TUSC3: variants seen among roughly 807,000 people sequenced by gnomAD.
TUSC3 encodes dolichyl-diphosphooligosaccharide--protein glycosyltransferase subunit TUSC3.
In TUSC3, 45 loss-of-function variants were observed where a neutral mutation model predicts 44.8. The ratio of observed to expected loss-of-function variants is 1.00; its 90% confidence interval spans 0.79 to 1.29. TUSC3 has a LOEUF of 1.29. Among genes scored for constraint, TUSC3 ranks in the 50% most tolerant of loss-of-function variants. The pLI is 0.00. For synonymous variants in TUSC3, 212 were observed against 152.9 expected, an observed-to-expected ratio of 1.39 and a Z score of -2.85; for missense variants, 519 against 437.9, an observed-to-expected ratio of 1.19 and a Z score of -1.65.
chr8:15,750,201 G>C (rs7826433), intron 9 of TUSC3, among the ~76,000 whole-genome samples: 1 of 151,642 alleles, frequency 6.6e-6, no homozygotes, highest in Non-Finnish European at 1.5e-5. Context: ...GGATGGTCTC[G>C]ATCTCCTGAC....
At chr8:15,484,932 C>G (rs1217044941) in intron 2 of TUSC3, among the ~76,000 whole-genome samples, 2 of 152,126 alleles carry the variant, frequency 1.3e-5, no homozygotes, top group Non-Finnish European at 2.9e-5. Flanking sequence ...TTTGTAAAAA[C>G]TTATTGAGTA....
At chr8:15,622,807 C>G (rs564918738) in intron 1 of TUSC3, among the ~76,000 whole-genome samples, 2 of 142,342 alleles carry the variant, frequency 1.4e-5, no homozygotes, top group African/African-American at 4.9e-5. Context: ...TTTCTTGAGC[C>G]TTCTTTTTTT....
chr8:15,464,790 T>C (rs1800392915), intron 1 of TUSC3, among the ~76,000 whole-genome samples: 1 of 152,182 alleles, frequency 6.6e-6, no homozygotes, highest in African/African-American at 2.4e-5. Context: ...GTGAGGCACA[T>C]AATGGCTCTT....
chr8:15,541,451 T>A (rs767366412), intron 1 of TUSC3, among the ~76,000 whole-genome samples: 4 of 152,236 alleles, frequency 2.6e-5, no homozygotes, highest in Non-Finnish European at 5.9e-5. Context: ...TTTTCCTGGT[T>A]AAGTTGTACA....
At chr8:15,612,676 C>T (rs1053721467) in intron 1 of TUSC3, among the ~76,000 whole-genome samples, 1 of 152,136 alleles carries the variant, frequency 6.6e-6, no homozygotes, top group South Asian at 2.1e-4. Context: ...ATGACTGATT[C>T]TATTAACTTC....
At chr8:15,784,860 A>G in the TUSC3 span, among the ~76,000 whole-genome samples, 5 of 151,768 alleles carry the variant, frequency 3.3e-5, no homozygotes, top group South Asian at 8.3e-4. Context: ...GTCAATAACA[A>G]TGTATTGTGT....
intron 1 of TUSC3, among the ~76,000 whole-genome samples, chr8:15,555,139 C>CTTTTT (rs60676527): frequency 1.1e-5 from 1 of 93,582 alleles, no homozygotes; most frequent in African/African-American, 4.0e-5. Context: ...TAATAGCAGT[C>CTTTTT]TTTTTTTTTT....
intron 2 of TUSC3, among the ~76,000 whole-genome samples, chr8:15,487,303 G>C (rs1032887528): frequency 6.6e-6 from 1 of 151,994 alleles, no homozygotes; most frequent in African/African-American, 2.4e-5. Context: ...TGAGTATCTT[G>C]AGAGCAAGAT....
chr8:15,635,068 C>T (rs1260186577), intron 2 of TUSC3, among the ~76,000 whole-genome samples: 7 of 150,102 alleles, frequency 4.7e-5, no homozygotes, highest in Non-Finnish European at 7.4e-5. Flanking sequence ...TTTTTTTTTT[C>T]CCCCCAAAGG....
the TUSC3 span, among the ~76,000 whole-genome samples, chr8:15,841,259 G>T: frequency 2.0e-5 from 3 of 151,852 alleles, no homozygotes; most frequent in African/African-American, 7.3e-5. Flanking sequence ...ATATTCTAAA[G>T]GTTGAGTAGA....
rs188164954 is a variant in TUSC3, at chr8:15,704,417, G to T, written c.799-26249G>T. Among the ~76,000 whole-genome samples the T allele has an allele frequency of 2.7e-3, 408 of 152,000 alleles. 2 individuals carry two copies. Among genetic ancestry groups the T allele is most frequent in the African/African-American group, 9.4e-3 (392 of 41,512 alleles). ...GTTCTATATAAGCCTTGTAAACTCT[G>T]TTAGGGACCTTGAATTTTAATCTAA... On this transcript the variant is annotated intron_variant, in intron 6 of 10. Coordinates refer to ENST00000503731, the MANE Select transcript of TUSC3 (RefSeq NM_006765.4).
intron 6 of TUSC3, among the ~76,000 whole-genome samples, chr8:15,695,957 G>A (rs926077803): frequency 2.6e-5 from 4 of 152,160 alleles, no homozygotes; most frequent in African/African-American, 7.2e-5. Context: ...AAGGGAAGCA[G>A]AGCATAAAAG....
intron 1 of TUSC3, among the ~76,000 whole-genome samples, chr8:15,575,992 CTG>C (rs571925858): frequency 4.7e-4 from 71 of 152,046 alleles, no homozygotes; most frequent in African/African-American, 1.5e-3. Flanking sequence ...AGTAATATAA[CTG>C]TTTCACATTT....
chr8:15,807,856 C>T, the TUSC3 span, among the ~76,000 whole-genome samples: 3 of 152,128 alleles, frequency 2.0e-5, no homozygotes, highest in Admixed American at 2.0e-4. Context: ...ACACTGGGGA[C>T]TCACAGAATG....
chr8:15,571,154 C>T (rs1585112679), intron 1 of TUSC3, among the ~76,000 whole-genome samples: 1 of 151,596 alleles, frequency 6.6e-6, no homozygotes, highest in Middle Eastern at 3.4e-3. Context: ...GGGTTTCACC[C>T]TGTTGGCCAG....
chr8:15,462,044 G>A (rs1800352935), intron 1 of TUSC3, among the ~76,000 whole-genome samples: 1 of 152,094 alleles, frequency 6.6e-6, no homozygotes, highest in Admixed American at 6.6e-5. Context: ...TAAGACCCCT[G>A]GATTCTGTGA....
chr8:15,813,958 T>G, the TUSC3 span, among the ~76,000 whole-genome samples: 3 of 152,184 alleles, frequency 2.0e-5, no homozygotes, highest in Admixed American at 6.6e-5. Context: ...AACCTCTGTG[T>G]GTCTGTTTCT....
chr8:15,423,267 A>G (rs543984053), intron 1 of TUSC3, among the ~76,000 whole-genome samples: 8 of 152,318 alleles, frequency 5.3e-5, no homozygotes, highest in African/African-American at 1.9e-4. Flanking sequence ...TGCATCTATG[A>G]TAATGAGAGC....
chr8:15,536,046 T>C (rs931976373), upstream of TUSC3, among the ~76,000 whole-genome samples: 2 of 152,208 alleles, frequency 1.3e-5, no homozygotes, highest in Non-Finnish European at 2.9e-5. Context: ...CTGTATTTTA[T>C]ATGTGGCCCA....
Sources: allele counts gnomAD v4.1 joint callset (sites outside exome capture counted in the v4.1 genomes callset), GRCh38; gene constraint gnomAD v4.1.1; transcripts MANE v1.5; gene names NCBI Gene and HGNC (gene_info 2026-07-23, HGNC 2026-07-21).